Variants in UBIAD1 observed in about 807,000 individuals in gnomAD.
UBIAD1 encodes ubiA prenyltransferase domain-containing protein 1.
In UBIAD1, 12 loss-of-function variants were observed where a neutral mutation model predicts 20.1. The ratio of observed to expected loss-of-function variants is 0.60; its 90% CI spans 0.38 to 0.97. The LOEUF (loss-of-function observed/expected upper bound fraction) is 0.97, where lower values mean the gene tolerates loss of function less well. Among genes scored for constraint, UBIAD1 ranks in the 50% least tolerant of loss-of-function variants. The pLI, the probability that UBIAD1 is intolerant of heterozygous loss-of-function variation, is 0.00. For missense variants in UBIAD1, 333 were observed against 419.5 expected (o/e 0.79, Z 1.80); for synonymous variants, 207 against 189.2 (o/e 1.09, Z -0.77).
intron 1 of UBIAD1, chr1:11,279,318 A>G: frequency 4.7e-6 from 1 of 213,682 alleles, no homozygotes; most frequent in South Asian, 8.7e-5. Context: ...TGACCTGAGA[A>G]CTGGAAGATA....
Position 11,273,656 on chromosome 1 carries a change from G to A in UBIAD1, c.125G>A (p.Trp42Ter). ...CAAGATAGGCTCCCCCAGCGCTCCTGGAGGCAGAAGTGTGCCTCCTACGTG... is the reference window on the plus strand; with the variant it reads ...CAAGATAGGCTCCCCCAGCGCTCCTAGAGGCAGAAGTGTGCCTCCTACGTG... ...PEQDRLPQRS[W>*]RQKCASYVLA... The change falls in exon 1 of 2, where the codon TGG becomes TAG. Residue 42 changes from tryptophan to a stop codon, truncating the protein, a stop_gained. Transcript: ENST00000376810. LOFTEE classifies it high-confidence loss of function. This position sits in a 1 kb window ranked among gnomAD's most constrained non-coding sequence, Gnocchi z 4.9. 6.2e-7 allele frequency: 1 copy of A among 1,614,164 alleles called. No homozygotes were observed. The highest frequency in any genetic ancestry group is 1.1e-5 in the South Asian group (1 of 91,084).
chr1:11,295,141 G>C, exon 2 of UBIAD1: 1 of 542,238 alleles, frequency 1.8e-6, no homozygotes. Flanking sequence ...GTGAACCATA[G>C]AATAAACAAC....
intron 1 of UBIAD1, chr1:11,278,671 C>A: frequency 6.9e-7 from 1 of 1,448,184 alleles, no homozygotes; most frequent in South Asian, 1.4e-5. Flanking sequence ...CTTTGGACAT[C>A]ATTAGACGTC....
chr1:11,275,691 C>T (rs191368770), intron 1 of UBIAD1, among the ~76,000 whole-genome samples: 84 of 152,182 alleles, frequency 5.5e-4, no homozygotes, highest in Middle Eastern at 3.4e-3. Flanking sequence ...TGCAGTGAGT[C>T]CTGATCACAC....
intron 1 of UBIAD1, among the ~76,000 whole-genome samples, chr1:11,279,795 T>G (rs970680205): frequency 6.6e-6 from 1 of 152,228 alleles, no homozygotes; most frequent in Non-Finnish European, 1.5e-5. Flanking sequence ...AAGCCTGGGC[T>G]AGAGATTACA....
In UBIAD1 at chr1:11,294,869, C is replaced by T. The variant is rs1335655804; in HGVS notation, c.530-4C>T. ...TCTGTCCTCATTCGTCTCGTCTCTT[C>T]CAGTCCTCATCTAGCCACTGAAGCA... On this transcript the variant is annotated splice_polypyrimidine_tract_variant and splice_region_variant and intron_variant, in intron 1 of 1. Coordinates refer to the UBIAD1 transcript ENST00000376804. The T allele has an allele frequency of 5.6e-6, 4 of 717,498 alleles. No homozygotes were observed. In the South Asian group the frequency reaches 5.9e-5, roughly 11 times the overall value. 44.4% of individuals were successfully genotyped at this position (717,498 alleles called of 1,614,324 possible).
downstream of UBIAD1, among the ~76,000 whole-genome samples, chr1:11,293,004 AG>A (rs1232092002): frequency 7.9e-5 from 12 of 152,088 alleles, no homozygotes; most frequent in Admixed American, 5.2e-4. Flanking sequence ...CTGCCTGAGG[AG>A]GGGGCAAAGG....
At chr1:11,289,476 G>T (rs1326804867), downstream of UBIAD1, among the ~76,000 whole-genome samples, 1 of 152,168 alleles carries the variant, frequency 6.6e-6, no homozygotes, top group Non-Finnish European at 1.5e-5. Flanking sequence ...ACATCAGAGA[G>T]GGGGAGAGCC....
downstream of UBIAD1, among the ~76,000 whole-genome samples, chr1:11,296,739 C>T (rs1452495352): frequency 6.6e-6 from 1 of 152,194 alleles, no homozygotes; most frequent in East Asian, 1.9e-4. Flanking sequence ...AGGCTGGTCT[C>T]CAGCTCTTAG....
chr1:11,273,486 G>T lies in UBIAD1; in HGVS notation c.-46G>T, dbSNP rs2101012179. 1 of 1,608,750 alleles carries T rather than the reference G, an allele frequency of 6.2e-7. No individual in the cohort carries two copies. The highest frequency in any genetic ancestry group is 8.5e-7 in the Non-Finnish European group (1 of 1,179,760). On this transcript the variant is annotated 5_prime_UTR_variant, in exon 1 of 2. Transcript: ENST00000376810. The surrounding 1 kb of genome is among the most constrained non-coding windows in gnomAD (Gnocchi z 4.9). The stretch of plus-strand genomic sequence containing the variant: ...CCTTCCTCCTTCCCGGGCGGTCACT[G>T]TGCGTGGCTCACTTTTAGAGTTTAC...
At chr1:11,299,492 T>G (rs1638502381), downstream of UBIAD1, among the ~76,000 whole-genome samples, 1 of 152,240 alleles carries the variant, frequency 6.6e-6, no homozygotes. Context: ...CACTTCTTTC[T>G]TTTGAAGGGG....
chr1:11,295,438 A>G (rs560603177), downstream of UBIAD1: 1 of 156,146 alleles, frequency 6.4e-6, no homozygotes, highest in East Asian at 1.8e-4. Context: ...CACTCTGACC[A>G]CTGCCAAGGT....
chr1:11,292,914 C>T (rs1339246681), downstream of UBIAD1, among the ~76,000 whole-genome samples: 1 of 152,130 alleles, frequency 6.6e-6, no homozygotes, highest in East Asian at 1.9e-4. Context: ...GTGACCTGCC[C>T]TTCTTCAAAC....
intron 1 of UBIAD1, among the ~76,000 whole-genome samples, chr1:11,281,102 A>G (rs991868061): frequency 2.7e-5 from 4 of 150,664 alleles, no homozygotes; most frequent in African/African-American, 9.8e-5. Context: ...CCCCTCCCTC[A>G]GGTCCTTTGT....
chr1:11,282,349 TA>T (rs949366848), intron 1 of UBIAD1, among the ~76,000 whole-genome samples: 1 of 152,082 alleles, frequency 6.6e-6, no homozygotes, highest in African/African-American at 2.4e-5. Context: ...GAGGAATGCC[TA>T]AAAGGAAATT....
At chr1:11,294,366 C>T (rs1638413482) in intron 1 of UBIAD1, among the ~76,000 whole-genome samples, 1 of 152,110 alleles carries the variant, frequency 6.6e-6, no homozygotes, top group South Asian at 2.1e-4. Context: ...CCAGGCTGGT[C>T]TCAAACTCCT....
downstream of UBIAD1, among the ~76,000 whole-genome samples, chr1:11,290,992 C>T (rs1221447898): frequency 6.7e-6 from 1 of 150,064 alleles, no homozygotes; most frequent in Non-Finnish European, 1.5e-5. Flanking sequence ...AAATAACCAA[C>T]ACCTGAGCCT....
chr1:11,296,567 G>A (rs1638451772), downstream of UBIAD1, among the ~76,000 whole-genome samples: 1 of 152,104 alleles, frequency 6.6e-6, no homozygotes, highest in South Asian at 2.1e-4. Flanking sequence ...AGCCCAGGGT[G>A]GAGTGCAGTA....
chr1:11,273,650 G>A lies in UBIAD1; in HGVS notation c.119G>A (p.Arg40His). 1 of 1,614,116 alleles carries A rather than the reference G, an allele frequency of 6.2e-7. No homozygotes were observed. ...DCPEQDRLPQ[R>H]SWRQKCASYV... is the part of the protein sequence containing the mutation. ...CCCGAGCAAGATAGGCTCCCCCAGC[G>A]CTCCTGGAGGCAGAAGTGTGCCTCC... is the stretch of plus-strand genomic sequence containing the variant. The change falls in exon 1 of 2, where the codon CGC becomes CAC. Residue 40 changes from arginine (R) to histidine (H), a missense_variant. By Grantham distance (29) the Arg-to-His change is conservative (BLOSUM62 0). Transcript: ENST00000376810. This position sits in a 1 kb window ranked among gnomAD's most constrained non-coding sequence, Gnocchi z 4.9.
Sources: gnomAD v4.1 joint callset for allele counts (sites outside exome capture counted in the v4.1 genomes callset) on GRCh38, gnomAD v4.1.1 for gene constraint, Gnocchi (gnomAD v3.1) non-coding constraint, MANE v1.5 for transcripts, NCBI Gene and HGNC (gene_info 2026-07-23, HGNC 2026-07-21) for gene names.